The following SHC4 variants were observed in gnomAD, a reference collection of about 807,000 sequenced individuals.
The protein encoded by SHC4 is SHC-transforming protein 4.
A neutral mutation model predicts 69.4 loss-of-function variants in SHC4; 41 were observed. The observed-to-expected ratio is 0.59, with a 90% CI of 0.46 to 0.77. The LOEUF is 0.77. Ranked by LOEUF, SHC4 falls within the 30% of genes least tolerant of loss-of-function variation. The pLI is 0.00. For synonymous variants in SHC4, 318 were observed against 299.3 expected (o/e 1.06, Z -0.64); for missense variants, 777 against 783.8 (o/e 0.99, Z 0.10).
At chr15:48,944,868 T>A (rs1901246714) in intron 1 of SHC4, among the ~76,000 whole-genome samples, 1 of 152,216 alleles carries the variant, frequency 6.6e-6, no homozygotes, top group Non-Finnish European at 1.5e-5. Context: ...ATCCCCATTA[T>A]CTGAAAGTAG....
chr15:48,859,221 A>C (rs1225976732), intron 6 of SHC4, among the ~76,000 whole-genome samples: 1 of 152,148 alleles, frequency 6.6e-6, no homozygotes, highest in Non-Finnish European at 1.5e-5. Flanking sequence ...TTATGTTAAT[A>C]ATCACCTCAA....
At chr15:48,878,781 A>G in intron 4 of SHC4, 1 of 1,550,200 alleles carries the variant, frequency 6.5e-7, no homozygotes, top group South Asian at 1.2e-5. Context: ...TTGAGGAGGG[A>G]CCCAACTTTC....
intron 2 of SHC4, among the ~76,000 whole-genome samples, chr15:48,916,872 C>A (rs1286062276): frequency 6.6e-6 from 1 of 152,186 alleles, no homozygotes; most frequent in Non-Finnish European, 1.5e-5. Flanking sequence ...ATGTGTAAGG[C>A]ACTAAATATC....
chr15:48,841,161 A>G (rs1296337413), intron 10 of SHC4, among the ~76,000 whole-genome samples: 3 of 152,234 alleles, frequency 2.0e-5, no homozygotes, highest in Non-Finnish European at 4.4e-5. Context: ...ATTCCAGATC[A>G]CCTAATTTGG....
At chr15:48,935,422 A>G (rs1017654618) in intron 1 of SHC4, among the ~76,000 whole-genome samples, 4 of 152,172 alleles carry the variant, frequency 2.6e-5, no homozygotes, top group Admixed American at 2.6e-4. Context: ...AGTCTTAGTC[A>G]TCATTATGCC....
chr15:48,833,060 T>C (rs866061776), intron 11 of SHC4, among the ~76,000 whole-genome samples: 2 of 152,198 alleles, frequency 1.3e-5, no homozygotes, highest in South Asian at 4.1e-4. Flanking sequence ...TTATTTTGTT[T>C]GTTTGTTTGG....
intron 1 of SHC4, among the ~76,000 whole-genome samples, chr15:48,935,113 A>G (rs1172164258): frequency 1.3e-5 from 2 of 152,256 alleles, no homozygotes; most frequent in Admixed American, 1.3e-4. Flanking sequence ...CCAAGAAGCA[A>G]CAACAACAAA....
chr15:48,883,119 T>TA (rs1899973582), intron 4 of SHC4, among the ~76,000 whole-genome samples: 2 of 152,200 alleles, frequency 1.3e-5, no homozygotes, highest in Admixed American at 1.3e-4. Flanking sequence ...GATAATTTTA[T>TA]AATCTTATAA....
intron 2 of SHC4, among the ~76,000 whole-genome samples, chr15:48,903,600 C>T (rs544886626): frequency 7.2e-5 from 11 of 152,190 alleles, no homozygotes; most frequent in Non-Finnish European, 1.6e-4. Flanking sequence ...ACGTGGAGAC[C>T]TCATTTTAAA....
chr15:48,899,504 A>G (rs1309161000), intron 2 of SHC4, among the ~76,000 whole-genome samples: 2 of 152,172 alleles, frequency 1.3e-5, no homozygotes, highest in South Asian at 2.1e-4. Flanking sequence ...AACAAACAGT[A>G]AAACAGTTTG....
chr15:48,843,566 C>CGACAT lies in SHC4; in HGVS notation c.1325_1326insATGTC (p.Gln443CysfsTer11). ...ATAATGAGGTATCTCGCTGGGACTG[C>CGACAT]ACCCCTCTTGGATGGACATTACCTG... On this transcript the variant is annotated frameshift_variant, in exon 10 of 12. Transcript: ENST00000332408. LOFTEE classifies it high-confidence loss of function. The CGACAT allele has an allele frequency of 6.2e-7, 1 of 1,614,070 alleles. No homozygotes were observed. Among genetic ancestry groups the CGACAT allele is most frequent in the African/African-American group, 1.3e-5 (1 of 75,048 alleles).
chr15:48,917,932 A>T (rs961860449), intron 2 of SHC4, among the ~76,000 whole-genome samples: 13 of 152,158 alleles, frequency 8.5e-5, no homozygotes, highest in Non-Finnish European at 1.3e-4. Context: ...CTCCTTTATT[A>T]CCAGGAATTT....
chr15:48,875,474 G>A (rs1402936888), intron 4 of SHC4, among the ~76,000 whole-genome samples: 2 of 152,228 alleles, frequency 1.3e-5, no homozygotes, highest in Non-Finnish European at 2.9e-5. Flanking sequence ...AGGAGAGGCT[G>A]CAGTTCAAAA....
At chr15:48,867,994 G>A in intron 5 of SHC4, 125 bp from the exon 6 acceptor site, 1 of 715,696 alleles carries the variant, frequency 1.4e-6, no homozygotes, top group East Asian at 2.6e-5. Context: ...AAAGAGACAA[G>A]AAAAGCATTG....
At chr15:48,857,635 C>A (rs768570924) in intron 7 of SHC4, 57 bp downstream of exon 7, 85 of 1,398,458 alleles carry the variant, frequency 6.1e-5, no homozygotes, top group Non-Finnish European at 8.0e-5. Context: ...TAAATACATA[C>A]AGATAAATGC....
chr15:48,944,521 G>A (rs949973337), intron 1 of SHC4, among the ~76,000 whole-genome samples: 3 of 152,122 alleles, frequency 2.0e-5, no homozygotes, highest in Non-Finnish European at 4.4e-5. Context: ...TCTTGAATGA[G>A]CCCAAAGATG....
Position 48,843,598 on chromosome 15 carries a change from TTAGTAGTGATCA to T in SHC4, c.1304-22_1304-11del, listed in dbSNP as rs762819629. On this transcript the variant is annotated splice_polypyrimidine_tract_variant and intron_variant, in intron 9 of 11. Transcript: ENST00000332408. ...CTTGGATGGACATTACCTGTAGTGA[TTAGTAGTGATCA>T]ATACATTATGTTTTTTCTTTGTAAA... 17 of 1,608,116 alleles carry T rather than the reference TTAGTAGTGATCA, an allele frequency of 1.1e-5. No individual in the cohort carries two copies. The East Asian group carries it at 3.8e-4, about 36-fold the overall frequency.
At chr15:48,923,554 A>C (rs1595759051) in intron 2 of SHC4, among the ~76,000 whole-genome samples, 1 of 150,872 alleles carries the variant, frequency 6.6e-6, no homozygotes, top group African/African-American at 2.4e-5. Flanking sequence ...CAAAAAAAAA[A>C]AAAAAACAAA....
At chr15:48,911,534 T>C (rs1244884332) in intron 2 of SHC4, among the ~76,000 whole-genome samples, 1 of 152,192 alleles carries the variant, frequency 6.6e-6, no homozygotes, top group East Asian at 1.9e-4. Context: ...TGTGTGTCTT[T>C]TAAGTGGAGC....
Sources: allele counts gnomAD v4.1 joint callset (sites outside exome capture counted in the v4.1 genomes callset), GRCh38; gene constraint gnomAD v4.1.1; transcripts MANE v1.5; gene names NCBI Gene and HGNC (gene_info 2026-07-23, HGNC 2026-07-21).